GLMN: variants seen among roughly 807,000 people sequenced by gnomAD.
The protein encoded by GLMN is glomulin, FKBP associated protein.
GLMN carries 75 observed loss-of-function variants against 87.8 expected under a neutral mutation model. The ratio of observed to expected loss-of-function variants is 0.85; its 90% CI spans 0.71 to 1.04. The LOEUF is 1.04. GLMN is among the 50% of genes least tolerant of loss of function. The pLI is 0.00. For synonymous variants in GLMN, 206 were observed against 221.6 expected (o/e 0.93, Z 0.63); for missense variants, 588 against 658.8 (o/e 0.89, Z 1.18).
the GLMN span, among the ~76,000 whole-genome samples, chr1:92,309,120 C>T: frequency 6.6e-6 from 1 of 151,772 alleles, no homozygotes; most frequent in Non-Finnish European, 1.5e-5. Flanking sequence ...GCTATATACC[C>T]TTCACTACCT....
upstream of GLMN, chr1:92,299,230 C>A (rs1650589932): frequency 2.5e-6 from 2 of 789,816 alleles, no homozygotes; most frequent in Non-Finnish European, 3.7e-6. Flanking sequence ...CGCGGGCGCT[C>A]CTGAAAGGCT....
chr1:92,271,629 G>T lies in GLMN; in HGVS notation c.759C>A (p.His253Gln), dbSNP rs759883191. The change falls in exon 8 of 19, where the codon CAC becomes CAA. Residue 253 changes from histidine to glutamine, a missense_variant. Transcript: ENST00000370360. ...EIIGFLSAIG[H>Q]PFPKMIFNHG... Reference sequence around the variant, plus strand: ...GATTAAAAATCATTTTGGGGAAAGGGTGTCCAATTGCTGATAAAAAACCCT... The same window carrying T: ...GATTAAAAATCATTTTGGGGAAAGGTTGTCCAATTGCTGATAAAAAACCCT... 2 of 1,612,118 alleles carry T rather than the reference G, an allele frequency of 1.2e-6. No individual in the cohort carries two copies. Among genetic ancestry groups the T allele is most frequent in the Admixed American group, 1.7e-5 (1 of 59,974 alleles).
chr1:92,293,446 C>G (rs1649659279), intron 3 of GLMN, among the ~76,000 whole-genome samples: 3 of 152,028 alleles, frequency 2.0e-5, no homozygotes, highest in Admixed American at 1.3e-4. Flanking sequence ...GCTGGGGCTA[C>G]AGGTGCCCGC....
intron 7 of GLMN, among the ~76,000 whole-genome samples, chr1:92,273,040 C>A (rs1176538776): frequency 1.3e-5 from 2 of 152,154 alleles, no homozygotes; most frequent in Non-Finnish European, 2.9e-5. Context: ...ATGACAAAAA[C>A]AGCTAAAGCA....
chr1:92,327,421 T>G, the GLMN span, among the ~76,000 whole-genome samples: 15 of 152,266 alleles, frequency 9.9e-5, no homozygotes, highest in Non-Finnish European at 1.6e-4. Flanking sequence ...TGTCCCTCTT[T>G]GTCTTTTTAA....
chr1:92,288,463 C>T (rs1649029232), intron 6 of GLMN, among the ~76,000 whole-genome samples: 1 of 152,074 alleles, frequency 6.6e-6, no homozygotes, highest in Non-Finnish European at 1.5e-5. Flanking sequence ...GGGTCTTGCT[C>T]TGTTGCCCAG....
the GLMN span, among the ~76,000 whole-genome samples, chr1:92,312,908 G>A: frequency 6.6e-6 from 1 of 150,982 alleles, no homozygotes; most frequent in East Asian, 2.0e-4. Flanking sequence ...TACAACCTCT[G>A]CCTCCTCAGT....
chr1:92,278,990 C>T (rs1288911905), intron 7 of GLMN, among the ~76,000 whole-genome samples: 3 of 152,184 alleles, frequency 2.0e-5, no homozygotes, highest in Non-Finnish European at 4.4e-5. Flanking sequence ...ATTCTTTACA[C>T]CTATTTTTTC....
At chr1:92,302,907 A>AT (rs540316793), upstream of GLMN, among the ~76,000 whole-genome samples, 380 of 150,592 alleles carry the variant, frequency 2.5e-3, 3 homozygotes, top group Middle Eastern at 6.8e-3. Flanking sequence ...GCCCGCATTA[A>AT]TTTTTTTTTG....
the GLMN span, among the ~76,000 whole-genome samples, chr1:92,310,777 G>A: frequency 1.3e-5 from 2 of 151,924 alleles, no homozygotes; most frequent in Non-Finnish European, 2.9e-5. Flanking sequence ...CATGCCTGTA[G>A]CCCCAGCTAC....
chr1:92,318,696 C>T, the GLMN span, among the ~76,000 whole-genome samples: 2 of 152,188 alleles, frequency 1.3e-5, no homozygotes, highest in African/African-American at 2.4e-5. Flanking sequence ...ACTGATTCCA[C>T]TTTCTCTCCT....
At chr1:92,333,341 A>G in the GLMN span, 3 of 1,420,504 alleles carry the variant, frequency 2.1e-6, no homozygotes, top group African/African-American at 2.8e-5. Flanking sequence ...TATCAAAGAA[A>G]GAATGTAAAC....
rs1649324323 is a variant in GLMN, at chr1:92,290,842, T to C, written c.286-536A>G. Among the ~76,000 whole-genome samples the C allele has an allele frequency of 1.3e-5, 2 of 152,246 alleles. 1 individual carries two copies. Among genetic ancestry groups the C allele is most frequent in the Admixed American group, 1.3e-4 (2 of 15,278 alleles). On this transcript the variant is annotated intron_variant, in intron 4 of 18. Transcript: ENST00000370360. Reference sequence around the variant, plus strand: ...GATCACTAAACAGTTTCTTATAATATACTTTTTCTCAGAATTTATCTTTCT... The same window carrying C: ...GATCACTAAACAGTTTCTTATAATACACTTTTTCTCAGAATTTATCTTTCT...
chr1:92,347,914 T>C, the GLMN span, among the ~76,000 whole-genome samples: 1 of 150,802 alleles, frequency 6.6e-6, no homozygotes, highest in Non-Finnish European at 1.5e-5. Flanking sequence ...CAATCAATCT[T>C]TTTTTTTTTC....
rs541853628 is a variant in GLMN, at chr1:92,288,430, TATTA to T, written c.632+480_632+483del. Among the ~76,000 whole-genome samples the T allele has an allele frequency of 4.3e-3, 648 of 152,266 alleles. 4 individuals carry two copies. The highest frequency in any genetic ancestry group is 0.01 in the Middle Eastern group (3 of 294). ...ATGGATTTTGGTTTTATAATTATTT[TATTA>T]ATTAATTTCTTAAAGACAGGGTCTT... is the stretch of plus-strand genomic sequence containing the variant. On this transcript the variant is annotated intron_variant, in intron 6 of 18. Coordinates refer to ENST00000370360, the MANE Select transcript of GLMN (RefSeq NM_053274.3).
intron 8 of GLMN, 24 bp downstream of exon 8, chr1:92,271,441 A>G: frequency 1.3e-6 from 2 of 1,574,836 alleles, no homozygotes; most frequent in South Asian, 1.1e-5. Context: ...AGAATACATG[A>G]ATAAACCAAA....
chr1:92,323,720 T>G, the GLMN span: 2 of 1,614,072 alleles, frequency 1.2e-6, no homozygotes, highest in Admixed American at 3.3e-5. Flanking sequence ...GAACAGACAG[T>G]AGTAGATGTC....
the GLMN span, among the ~76,000 whole-genome samples, chr1:92,312,643 T>G: frequency 6.6e-6 from 1 of 152,146 alleles, no homozygotes; most frequent in Non-Finnish European, 1.5e-5. Flanking sequence ...AGTCACATCT[T>G]CAAGCTCCAC....
the GLMN span, among the ~76,000 whole-genome samples, chr1:92,332,224 C>T: frequency 6.6e-6 from 1 of 151,902 alleles, no homozygotes; most frequent in Non-Finnish European, 1.5e-5. Context: ...TCAGCATTCT[C>T]TCTTCAGCCA....
Sources: allele counts gnomAD v4.1 joint callset (sites outside exome capture counted in the v4.1 genomes callset), GRCh38; gene constraint gnomAD v4.1.1; transcripts MANE v1.5; gene names NCBI Gene and HGNC (gene_info 2026-07-23, HGNC 2026-07-21).